Variants in SPA17 observed in about 807,000 individuals in gnomAD.
The protein encoded by SPA17 is sperm autoantigenic protein 17.
In SPA17, 7 loss-of-function variants were observed where a neutral mutation model predicts 13.8. The observed-to-expected ratio is 0.51, with a 90% CI of 0.29 to 0.95. SPA17 has a LOEUF of 0.95. SPA17 is among the 40% of genes least tolerant of loss of function. SPA17 has a pLI of 0.08. For synonymous variants in SPA17, 61 were observed against 59.0 expected, an observed-to-expected ratio of 1.03 and a Z score of -0.16; for missense variants, 170 against 179.3, an observed-to-expected ratio of 0.95 and a Z score of 0.30.
chr11:124,691,837 A>C, intron 4 of SPA17, 55 bp downstream of exon 4: 1 of 1,158,778 alleles, frequency 8.6e-7, no homozygotes, highest in Non-Finnish European at 1.2e-6. Flanking sequence ...ATATTGCCCA[A>C]TTTAAAACTG....
intron 2 of SPA17, chr11:124,676,380 CT>C (rs1175614174): frequency 2.0e-5 from 3 of 152,200 alleles, no homozygotes; most frequent in African/African-American, 7.2e-5. Context: ...GTCATCATTA[CT>C]TTTTATTACA....
At chr11:124,686,417 T>C (rs1346379862) in intron 3 of SPA17, among the ~76,000 whole-genome samples, 2 of 152,220 alleles carry the variant, frequency 1.3e-5, no homozygotes, top group Non-Finnish European at 2.9e-5. Flanking sequence ...GCATTGGACT[T>C]AAACTTGACT....
At chr11:124,687,174 G>A (rs1943585327) in intron 3 of SPA17, among the ~76,000 whole-genome samples, 1 of 152,058 alleles carries the variant, frequency 6.6e-6, no homozygotes, top group Non-Finnish European at 1.5e-5. Context: ...TCACAAACTA[G>A]AAAACATAGA....
rs1943655975 is a variant in SPA17 at position 124,694,623 on chromosome 11, TGAA to T, written c.*180_*182del. Reference sequence around the variant, plus strand: ...AAGCATACCATTGAAACATGCCACTTGAAGATTTCTCTGAGATCATGAGTTTGT... The same window carrying T: ...AAGCATACCATTGAAACATGCCACTTGATTTCTCTGAGATCATGAGTTTGT... On this transcript the variant is annotated 3_prime_UTR_variant, in exon 5 of 5. Transcript: ENST00000227135. The T allele has an allele frequency of 1.3e-6, 1 of 751,034 alleles. No homozygotes were observed. Among genetic ancestry groups the T allele is most frequent in the Non-Finnish European group, 2.0e-6 (1 of 488,200 alleles). 46.5% of individuals were successfully genotyped at this position (751,034 alleles called of 1,614,324 possible). A position where few individuals can be genotyped will look rare whatever the true frequency, so the allele number is the denominator to read the frequency against.
Position 124,673,925 on chromosome 11 carries a change from C to A in SPA17, c.-55C>A. 1 of 589,610 alleles carries A rather than the reference C, an allele frequency of 1.7e-6. No individual in the cohort carries two copies. Among genetic ancestry groups the A allele is most frequent in the South Asian group, 2.1e-5 (1 of 47,470 alleles). 36.5% of individuals were successfully genotyped at this position (589,610 alleles called of 1,614,324 possible). On this transcript the variant is annotated 5_prime_UTR_variant, in exon 1 of 5. Coordinates refer to ENST00000227135, the MANE Select transcript of SPA17 (RefSeq NM_017425.4). ...CAGCAACTAGAAAAACAACCGGAACCGGCGGCACCAGCTCGGAGAGAAAGG... is the reference window on the plus strand; with the variant it reads ...CAGCAACTAGAAAAACAACCGGAACAGGCGGCACCAGCTCGGAGAGAAAGG...
At chr11:124,679,807 C>T (rs920128837) in intron 2 of SPA17, among the ~76,000 whole-genome samples, 1 of 152,174 alleles carries the variant, frequency 6.6e-6, no homozygotes, top group African/African-American at 2.4e-5. Flanking sequence ...TTCCAAAGGA[C>T]TCAGGAACAT....
intron 3 of SPA17, among the ~76,000 whole-genome samples, chr11:124,689,180 T>G (rs1943601720): frequency 1.3e-5 from 2 of 152,192 alleles, no homozygotes; most frequent in South Asian, 4.2e-4. Flanking sequence ...GATTAAAGAC[T>G]TAAACATAAG....
rs571615710 is a variant in SPA17 at position 124,689,258 on chromosome 11, G to C, written c.226-2438G>C. On this transcript the variant is annotated intron_variant, in intron 3 of 4. Transcript: ENST00000227135. Reference sequence around the variant, plus strand: ...TTTACTGGATATTGGTCTAGGCAAAGAATGTATGACTAAGATCACAAAAGC... The same window carrying C: ...TTTACTGGATATTGGTCTAGGCAAACAATGTATGACTAAGATCACAAAAGC... Among the ~76,000 whole-genome samples the C allele has an allele frequency of 3.3e-5, 5 of 152,292 alleles. No individual in the cohort carries two copies. In the South Asian group the frequency reaches 1.0e-3, roughly 32 times the overall value.
intron 2 of SPA17, 86 bp downstream of exon 2, chr11:124,675,504 T>C: frequency 6.9e-7 from 1 of 1,452,142 alleles, no homozygotes; most frequent in Non-Finnish European, 9.3e-7. Flanking sequence ...ATCTCCATTC[T>C]GCAGAAAGCC....
intron 3 of SPA17, 145 bp downstream of exon 3, chr11:124,681,604 AAAT>A: frequency 3.4e-6 from 1 of 297,260 alleles, no homozygotes; most frequent in Non-Finnish European, 6.0e-6. Context: ...AAAATTTAAT[AAAT>A]CTTATTTTAT....
chr11:124,689,135 T>C (rs549085375), intron 3 of SPA17, among the ~76,000 whole-genome samples: 1 of 152,254 alleles, frequency 6.6e-6, no homozygotes, highest in South Asian at 2.1e-4. Context: ...ATTGGACCCC[T>C]ATCTCCCATC....
At chr11:124,685,537 T>C (rs2134414293) in intron 3 of SPA17, among the ~76,000 whole-genome samples, 1 of 152,332 alleles carries the variant, frequency 6.6e-6, no homozygotes, top group South Asian at 2.1e-4. Flanking sequence ...GGGCACTGCC[T>C]GGTGGAGCTG....
chr11:124,685,429 C>A (rs1943568779), intron 3 of SPA17, among the ~76,000 whole-genome samples: 1 of 152,218 alleles, frequency 6.6e-6, no homozygotes, highest in African/African-American at 2.4e-5. Flanking sequence ...GATGTCCAGG[C>A]AGAAGTTTGC....
chr11:124,696,327 A>G lies in SPA17; in HGVS notation c.*1881A>G, dbSNP rs374945836. ...TCAAGGGGGGACCCAGAATTTATGC[A>G]AAGACTTAGATTCCCTGACCTGGAG... On this transcript the variant is annotated 3_prime_UTR_variant, in exon 5 of 5. Coordinates refer to ENST00000227135, the MANE Select transcript of SPA17 (RefSeq NM_017425.4). The G allele has an allele frequency of 4.6e-5, 7 of 152,260 alleles. No homozygotes were observed. In the East Asian group the frequency reaches 1.4e-3, roughly 29 times the overall value. The allele number at this position is 152,260 out of a possible 1,614,324, so 9.4% of individuals were successfully genotyped here.
intron 3 of SPA17, among the ~76,000 whole-genome samples, chr11:124,687,783 C>T (rs188417038): frequency 1.3e-5 from 2 of 152,186 alleles, no homozygotes; most frequent in Non-Finnish European, 2.9e-5. Flanking sequence ...AAGGAACATA[C>T]CTCAAAACAA....
At chr11:124,693,984 ATTCT>A (rs1341480459) in intron 4 of SPA17, among the ~76,000 whole-genome samples, 2 of 152,198 alleles carry the variant, frequency 1.3e-5, no homozygotes, top group Admixed American at 6.5e-5. Flanking sequence ...TGCCTCAAGG[ATTCT>A]TTCTTGTCCC....
Position 124,675,401 on chromosome 11 carries a change from T to A in SPA17, c.137T>A (p.Leu46His). 1 of 1,612,092 alleles carries A rather than the reference T, an allele frequency of 6.2e-7. No homozygotes were observed. Among genetic ancestry groups the A allele is most frequent in the South Asian group, 1.1e-5 (1 of 90,320 alleles). ...PAFAAAYFES[L>H]LEKREKTNFD... ...TTTGCAGCAGCCTATTTTGAGAGCC[T>A]TCTAGAGAAAAGAGAGAGTAAGCTT... The change falls in exon 2 of 5, where the codon CTT (leucine) becomes CAT (histidine). Residue 46 changes from leucine to histidine, a missense_variant. Coordinates refer to ENST00000227135, the MANE Select transcript of SPA17 (RefSeq NM_017425.4).
intron 3 of SPA17, among the ~76,000 whole-genome samples, chr11:124,689,917 T>A (rs766749730): frequency 1.3e-5 from 2 of 152,162 alleles, no homozygotes; most frequent in Middle Eastern, 3.2e-3. Flanking sequence ...TAAGATATTA[T>A]TTTACCCCAC....
Position 124,691,774 on chromosome 11 carries a change from A to C in SPA17, c.304A>C (p.Thr102Pro). The C allele has an allele frequency of 6.2e-7, 1 of 1,604,444 alleles. No homozygotes were observed. Among genetic ancestry groups the C allele is most frequent in the Non-Finnish European group, 8.5e-7 (1 of 1,173,688 alleles). Residue 102 changes from threonine to proline, a missense_variant, in exon 4 of 5, where the codon ACC becomes CCC. Coordinates refer to ENST00000227135, the MANE Select transcript of SPA17 (RefSeq NM_017425.4). ...TGGGAAGGAGGAAGAGACATCAGTC[A>C]CCATCTTAGTATGTAATATTTTTCA... ...ISGKEEETSV[T>P]ILDSSEEDKE...
Sources: allele counts gnomAD v4.1 joint callset (sites outside exome capture counted in the v4.1 genomes callset), GRCh38; gene constraint gnomAD v4.1.1; transcripts MANE v1.5; gene names NCBI Gene and HGNC (gene_info 2026-07-23, HGNC 2026-07-21).